The following PRDM16 variants were observed in gnomAD, a reference collection of about 807,000 sequenced individuals.
PRDM16 encodes PR/SET domain 16.
PRDM16 carries 23 observed loss-of-function variants against 110.6 expected under a neutral mutation model. That is an observed-to-expected ratio of 0.21 (90% CI 0.15 to 0.29). The LOEUF (loss-of-function observed/expected upper bound fraction) is 0.29. Among genes scored for constraint, PRDM16 ranks in the 10% least tolerant of loss-of-function variants. The pLI is 1.00. For synonymous variants in PRDM16, 799 were observed against 781.8 expected, an observed-to-expected ratio of 1.02 and a Z score of -0.37; for missense variants, 1,615 against 1,794.3, an observed-to-expected ratio of 0.90 and a Z score of 1.81.
chr1:3,231,301 C>T (rs1033686339), intron 2 of PRDM16, among the ~76,000 whole-genome samples: 4 of 149,772 alleles, frequency 2.7e-5, no homozygotes, highest in Non-Finnish European at 3.0e-5. Flanking sequence ...ACGTCTTGAG[C>T]GCCATCACGA....
At chr1:3,415,663 G>A (rs955470549) in intron 10 of PRDM16, among the ~76,000 whole-genome samples, 8 of 152,252 alleles carry the variant, frequency 5.3e-5, no homozygotes, top group East Asian at 1.9e-4. Flanking sequence ...CAAGCCGGGC[G>A]GGAGAGGCCC....
intron 3 of PRDM16, among the ~76,000 whole-genome samples, chr1:3,319,582 T>G (rs1345637878): frequency 6.6e-6 from 1 of 152,130 alleles, no homozygotes; most frequent in Non-Finnish European, 1.5e-5. Flanking sequence ...ATCTCACCAG[T>G]GGCCCCTGGC....
intron 14 of PRDM16, among the ~76,000 whole-genome samples, chr1:3,428,583 G>A (rs1296678883): frequency 1.3e-5 from 2 of 152,208 alleles, no homozygotes; most frequent in East Asian, 3.9e-4. Context: ...CGTCACTGAC[G>A]AAAATGAGAA....
At chr1:3,334,392 C>T (rs1376347255) in intron 3 of PRDM16, among the ~76,000 whole-genome samples, 6 of 152,124 alleles carry the variant, frequency 3.9e-5, no homozygotes, top group Non-Finnish European at 8.8e-5. Context: ...ATGAGTATGC[C>T]CATAACCCAC....
intron 3 of PRDM16, among the ~76,000 whole-genome samples, chr1:3,305,542 C>T (rs924513873): frequency 1.3e-5 from 2 of 152,236 alleles, no homozygotes; most frequent in African/African-American, 4.8e-5. Flanking sequence ...CTCCCACATG[C>T]AGGTAATGAT....
chr1:3,239,686 CGCCTG>C (rs1355940692), intron 2 of PRDM16, among the ~76,000 whole-genome samples: 1 of 152,128 alleles, frequency 6.6e-6, no homozygotes, highest in Admixed American at 6.6e-5. Flanking sequence ...CAGTGGCTCA[CGCCTG>C]TCATCCTAGC....
intron 10 of PRDM16, among the ~76,000 whole-genome samples, chr1:3,416,130 G>A (rs980721268): frequency 3.9e-5 from 6 of 152,204 alleles, no homozygotes; most frequent in African/African-American, 1.2e-4. Context: ...GGACGGACAC[G>A]AGTTTCTACT....
rs368139988 is a variant in PRDM16 at position 3,412,230 on chromosome 1, C to G, written c.2033C>G (p.Pro678Arg). The G allele has an allele frequency of 9.3e-6, 15 of 1,608,696 alleles. No homozygotes were observed. In the African/African-American group the frequency reaches 1.9e-4, roughly 20 times the overall value. Reference sequence around the variant, plus strand: ...TCCCAGCACTCATTCTTCCCGCCACCCGACGAGCAGCTGCTGACTGCAACG... The same window carrying G: ...TCCCAGCACTCATTCTTCCCGCCACGCGACGAGCAGCTGCTGACTGCAACG... Reference protein sequence around the residue: ...FYSQHSFFPPPDEQLLTATGA... With the variant: ...FYSQHSFFPPRDEQLLTATGA... The change falls in exon 9 of 17, where the codon CCC becomes CGC. Residue 678 changes from proline to arginine, a missense_variant. Physicochemically the swap from Pro to Arg is moderately radical, Grantham distance 103. Coordinates refer to ENST00000270722, the MANE Select transcript of PRDM16 (RefSeq NM_022114.4).
Position 3,145,751 on chromosome 1 carries a change from A to G in PRDM16, c.38-40374A>G, listed in dbSNP as rs117130095. ...TCTGGCTGGGCTATCAGCTATGCAGACAGTGAGGTCATTCCTGCCCACCGA... is the reference window on the plus strand; with the variant it reads ...TCTGGCTGGGCTATCAGCTATGCAGGCAGTGAGGTCATTCCTGCCCACCGA... On this transcript the variant is annotated intron_variant, in intron 1 of 16. Coordinates refer to ENST00000270722, the MANE Select transcript of PRDM16 (RefSeq NM_022114.4). 8.6e-3 allele frequency among the ~76,000 whole-genome samples: 1,304 copies of G among 152,288 alleles called. 43 individuals carry two copies. The East Asian group carries it at 0.11, about 13-fold the overall frequency.
At position 3,350,700 on chromosome 1, in the gene PRDM16, C is replaced by T. The variant is rs769173123; in HGVS notation, c.439-34452C>T. Among the ~76,000 whole-genome samples, 20 of 152,252 alleles carry T rather than the reference C, an allele frequency of 1.3e-4. No homozygotes were observed. Among genetic ancestry groups the T allele is most frequent in the Middle Eastern group, 3.4e-3 (1 of 294 alleles). ...AGGCAGGGCTTTGGCACCATGCAGC[C>T]TCCCAGATGGCCGGGCCGGGCTGGT... On this transcript the variant is annotated intron_variant, in intron 3 of 16. Coordinates refer to ENST00000270722, the MANE Select transcript of PRDM16 (RefSeq NM_022114.4). This position sits in a 1 kb window ranked among gnomAD's most constrained non-coding sequence, Gnocchi z 7.1.
intron 3 of PRDM16, among the ~76,000 whole-genome samples, chr1:3,289,790 G>A (rs1346002906): frequency 1.3e-5 from 2 of 152,162 alleles, no homozygotes; most frequent in Non-Finnish European, 2.9e-5. Context: ...GTCGGCTCTA[G>A]TTCCAGGGCA....
chr1:3,282,273 C>A (rs1252997732), intron 3 of PRDM16, among the ~76,000 whole-genome samples: 1 of 152,216 alleles, frequency 6.6e-6, no homozygotes, highest in Non-Finnish European at 1.5e-5. Flanking sequence ...GGCACCAGCC[C>A]TTCCCCAGAC....
intron 1 of PRDM16, among the ~76,000 whole-genome samples, chr1:3,104,138 C>T (rs1257377491): frequency 6.6e-6 from 1 of 152,190 alleles, no homozygotes; most frequent in Non-Finnish European, 1.5e-5. Context: ...GACAGGGTCC[C>T]CCGAGGTCTG....
At chr1:3,126,231 C>T (rs1643203550) in intron 1 of PRDM16, among the ~76,000 whole-genome samples, 1 of 152,228 alleles carries the variant, frequency 6.6e-6, no homozygotes, top group Non-Finnish European at 1.5e-5. Context: ...TCGGTCCCCG[C>T]AGCTCTCGCC....
chr1:3,088,452 T>A lies in PRDM16; in HGVS notation c.37+19156T>A, dbSNP rs180891016. ...GGGAGATGCAGGGATTCTTTTATTA[T>A]TTATTTATTTATTTATTTATTTATT... On this transcript the variant is annotated intron_variant, in intron 1 of 16. Transcript: ENST00000270722. Among the ~76,000 whole-genome samples the A allele has an allele frequency of 6.5e-3, 524 of 80,366 alleles. 1 individual carries two copies. Among genetic ancestry groups the A allele is most frequent in the Middle Eastern group, 0.038 (5 of 132 alleles). 52.7% of individuals were successfully genotyped at this position (80,366 alleles called of 152,430 possible).
chr1:3,368,141 G>T (rs1569584695), intron 3 of PRDM16, among the ~76,000 whole-genome samples: 2 of 152,178 alleles, frequency 1.3e-5, no homozygotes, highest in Non-Finnish European at 2.9e-5. Flanking sequence ...GCAACCTACC[G>T]AAATCATGCA....
chr1:3,366,557 A>G (rs1642819836), intron 3 of PRDM16, among the ~76,000 whole-genome samples: 1 of 152,218 alleles, frequency 6.6e-6, no homozygotes, highest in Non-Finnish European at 1.5e-5. Context: ...TATTGGAAAT[A>G]TCAATTCAGA....
chr1:3,252,585 T>G (rs913504064), intron 3 of PRDM16, among the ~76,000 whole-genome samples: 4 of 152,160 alleles, frequency 2.6e-5, no homozygotes, highest in Non-Finnish European at 5.9e-5. Flanking sequence ...AGCCACCTGC[T>G]GTTAGAGAAA....
intron 1 of PRDM16, among the ~76,000 whole-genome samples, chr1:3,127,238 G>T (rs1250752833): frequency 6.6e-6 from 1 of 152,214 alleles, no homozygotes; most frequent in African/African-American, 2.4e-5. Context: ...ATGGTTTCTG[G>T]CAAGGACAGC....
Sources: gnomAD v4.1 joint callset for allele counts (sites outside exome capture counted in the v4.1 genomes callset) on GRCh38, gnomAD v4.1.1 for gene constraint, Gnocchi (gnomAD v3.1) non-coding constraint, MANE v1.5 for transcripts, NCBI Gene and HGNC (gene_info 2026-07-23, HGNC 2026-07-21) for gene names.